NSMCE2: variants seen among roughly 807,000 people sequenced by gnomAD.
NSMCE2 encodes NSE2 SUMO ligase component of SMC5/6 complex, also known as E3 SUMO-protein ligase NSE2.
A neutral mutation model predicts 23.8 loss-of-function variants in NSMCE2; 24 were observed. The ratio of observed to expected loss-of-function variants is 1.01; its 90% CI spans 0.73 to 1.42. NSMCE2 has a LOEUF of 1.42. Ranked by LOEUF, NSMCE2 falls within the 40% of genes most tolerant of loss-of-function variation. NSMCE2 has a pLI of 0.00. For synonymous variants in NSMCE2, 92 were observed against 94.1 expected (o/e 0.98, Z 0.13); for missense variants, 284 against 296.5 (o/e 0.96, Z 0.31).
intron 5 of NSMCE2, among the ~76,000 whole-genome samples, chr8:125,308,418 T>A (rs1043511531): frequency 6.6e-6 from 1 of 152,224 alleles, no homozygotes; most frequent in Admixed American, 6.5e-5. Context: ...CAGAGAAGTC[T>A]TTTTCCTTTG....
chr8:125,120,169 T>C (rs1819200047), intron 3 of NSMCE2, among the ~76,000 whole-genome samples: 1 of 152,214 alleles, frequency 6.6e-6, no homozygotes, highest in Non-Finnish European at 1.5e-5. Context: ...ATTTCATATA[T>C]TTAGTAGCCA....
At chr8:125,223,746 A>G (rs1824971533) in intron 5 of NSMCE2, among the ~76,000 whole-genome samples, 1 of 147,882 alleles carries the variant, frequency 6.8e-6, no homozygotes, top group African/African-American at 2.5e-5. Context: ...CATTTTTTCC[A>G]TATATTTCTT....
intron 1 of NSMCE2, among the ~76,000 whole-genome samples, chr8:125,093,229 T>C (rs1817761095): frequency 6.6e-6 from 1 of 152,198 alleles, no homozygotes; most frequent in African/African-American, 2.4e-5. Flanking sequence ...ATCTGGAGCA[T>C]CTTTTAAAAG....
chr8:125,198,594 A>G (rs145187531), intron 5 of NSMCE2, among the ~76,000 whole-genome samples: 3,283 of 152,178 alleles, frequency 0.022, 126 homozygotes, highest in African/African-American at 0.075. Flanking sequence ...ATTTGCCAGT[A>G]TTTTACTGAG....
At chr8:125,361,194 A>G (rs1042641081) in intron 7 of NSMCE2, among the ~76,000 whole-genome samples, 3 of 151,600 alleles carry the variant, frequency 2.0e-5, no homozygotes, top group Admixed American at 6.6e-5. Flanking sequence ...CAGCCTCCCA[A>G]GTAGCTGTGA....
chr8:125,198,617 G>A (rs1219785048), intron 5 of NSMCE2, among the ~76,000 whole-genome samples: 2 of 152,132 alleles, frequency 1.3e-5, no homozygotes, highest in Non-Finnish European at 2.9e-5. Context: ...TTTTCACATC[G>A]ATGTTCATCA....
At chr8:125,119,842 T>G (rs2130487007) in intron 3 of NSMCE2, among the ~76,000 whole-genome samples, 1 of 152,258 alleles carries the variant, frequency 6.6e-6, no homozygotes, top group East Asian at 1.9e-4. Flanking sequence ...CTCCCTCTTC[T>G]TTCTGTACTT....
intron 5 of NSMCE2, among the ~76,000 whole-genome samples, chr8:125,316,114 C>T (rs550260446): frequency 6.6e-6 from 1 of 152,322 alleles, no homozygotes; most frequent in African/African-American, 2.4e-5. Flanking sequence ...GTCTAAACCT[C>T]ATTCTTATCA....
At chr8:125,217,396 T>C (rs1312356771) in intron 5 of NSMCE2, among the ~76,000 whole-genome samples, 1 of 152,156 alleles carries the variant, frequency 6.6e-6, no homozygotes, top group Non-Finnish European at 1.5e-5. Context: ...AGTCTTGCTG[T>C]GTCACCCAGG....
At position 125,367,026 on chromosome 8, in the gene NSMCE2, T is replaced by C; in HGVS notation, c.*141T>C. 1.7e-6 allele frequency: 1 copy of C among 595,542 alleles called. No individual in the cohort carries two copies. 36.9% of individuals were successfully genotyped at this position (595,542 alleles called of 1,614,324 possible). A position where few individuals can be genotyped will look rare whatever the true frequency, so the allele number is the denominator to read the frequency against. On this transcript the variant is annotated 3_prime_UTR_variant, in exon 8 of 8. Coordinates refer to ENST00000287437, the MANE Select transcript of NSMCE2 (RefSeq NM_173685.4). ...TAAAACTTGTTGCTTTTATGTGTGC[T>C]TGAAAACATTTTTCAAAGTTACACA...
At chr8:125,203,107 A>G (rs1586606240) in intron 5 of NSMCE2, among the ~76,000 whole-genome samples, 1 of 152,130 alleles carries the variant, frequency 6.6e-6, no homozygotes, top group African/African-American at 2.4e-5. Context: ...CCTTTAATAC[A>G]GTAGGGATTC....
chr8:125,158,537 AG>A (rs1320469317), intron 4 of NSMCE2, among the ~76,000 whole-genome samples: 3 of 152,222 alleles, frequency 2.0e-5, no homozygotes, highest in African/African-American at 7.2e-5. Flanking sequence ...TGAGGCGCCC[AG>A]TGTGATTATT....
intron 5 of NSMCE2, among the ~76,000 whole-genome samples, chr8:125,250,840 A>G (rs1045527212): frequency 6.6e-6 from 1 of 152,104 alleles, no homozygotes; most frequent in African/African-American, 2.4e-5. Flanking sequence ...TATGTTTTAA[A>G]TCAGTCTGAA....
chr8:125,300,493 C>G (rs1360134137), intron 5 of NSMCE2, among the ~76,000 whole-genome samples: 1 of 152,130 alleles, frequency 6.6e-6, no homozygotes, highest in Non-Finnish European at 1.5e-5. Context: ...TCGTTCTAAG[C>G]CATATCAAAT....
intron 5 of NSMCE2, among the ~76,000 whole-genome samples, chr8:125,323,596 A>G (rs559429623): frequency 6.6e-6 from 1 of 152,370 alleles, no homozygotes; most frequent in East Asian, 1.9e-4. Flanking sequence ...AGCCTTTGCA[A>G]CAAATGGTTC....
chr8:125,325,213 C>G (rs1829616436), intron 5 of NSMCE2, among the ~76,000 whole-genome samples: 1 of 151,964 alleles, frequency 6.6e-6, no homozygotes, highest in African/African-American at 2.4e-5. Context: ...TCCGGGAGTT[C>G]AAGGCTGCAG....
At chr8:125,122,019 G>A (rs1424900756) in intron 3 of NSMCE2, among the ~76,000 whole-genome samples, 2 of 151,752 alleles carry the variant, frequency 1.3e-5, no homozygotes, top group Non-Finnish European at 2.9e-5. Context: ...TCTTACCTAC[G>A]CATTATTGAC....
At chr8:125,324,943 T>TG (rs61309806) in intron 5 of NSMCE2, among the ~76,000 whole-genome samples, 22,619 of 93,746 alleles carry the variant, frequency 0.24, 2,030 homozygotes, top group Non-Finnish European at 0.35. Context: ...TGTGTTGGAG[T>TG]GGGGAGTAGA....
intron 5 of NSMCE2, chr8:125,349,031 AC>A: frequency 6.7e-6 from 1 of 148,272 alleles, no homozygotes. Flanking sequence ...ACACACACAC[AC>A]ACACACACAC....
Sources: gnomAD v4.1 joint callset for allele counts (sites outside exome capture counted in the v4.1 genomes callset) on GRCh38, gnomAD v4.1.1 for gene constraint, MANE v1.5 for transcripts, NCBI Gene and HGNC (gene_info 2026-07-23, HGNC 2026-07-21) for gene names.